Variants in BATF3 observed in about 807,000 individuals in gnomAD.
The protein encoded by BATF3 is basic leucine zipper ATF-like transcription factor 3.
A neutral mutation model predicts 16.1 loss-of-function variants in BATF3; 8 were observed. That is an observed-to-expected ratio of 0.50 (90% CI 0.29 to 0.90). The LOEUF is 0.90. Among genes scored for constraint, BATF3 ranks in the 40% least tolerant of loss-of-function variants. The pLI is 0.08. For synonymous variants in BATF3, 74 were observed against 72.7 expected, an observed-to-expected ratio of 1.02 and a Z score of -0.09; for missense variants, 139 against 167.0, an observed-to-expected ratio of 0.83 and a Z score of 0.92.
intron 1 of BATF3, chr1:212,697,583 T>G (rs905113665): frequency 5.2e-5 from 8 of 153,014 alleles, no homozygotes; most frequent in African/African-American, 1.9e-4. Context: ...ATGATTACAC[T>G]TACAACTAAT....
intron 2 of BATF3, among the ~76,000 whole-genome samples, chr1:212,687,996 AAAGGAAGGAAGGAAGGAAGG>A (rs150731119): frequency 2.5e-3 from 255 of 101,318 alleles, no homozygotes; most frequent in East Asian, 5.0e-3. Flanking sequence ...AGAAAGAAAG[AAAGGAAGGAAGGAAGGAAGG>A]AAGGAAGGAA....
At position 212,699,408 on chromosome 1, in the gene BATF3, G is replaced by T. The variant is rs894155427; in HGVS notation, c.90+265C>A. On this transcript the variant is annotated intron_variant, in intron 1 of 2. Coordinates refer to ENST00000243440, the MANE Select transcript of BATF3 (RefSeq NM_018664.3). This position sits in a 1 kb window ranked among gnomAD's most constrained non-coding sequence, Gnocchi z 4.4. ...ATGCCCGGCCCAGCCAGGCGTCGGC[G>T]CCCTCGGGCTTCTTCCCCCAGAGGG... 3.3e-5 allele frequency among the ~76,000 whole-genome samples: 5 copies of T among 152,056 alleles called. No homozygotes were observed. Among genetic ancestry groups the T allele is most frequent in the Non-Finnish European group, 7.4e-5 (5 of 67,972 alleles).
rs1657222063 is a variant in BATF3 at position 212,699,643 on chromosome 1, A to C, written c.90+30T>G. The C allele has an allele frequency of 1.4e-5, 18 of 1,285,712 alleles. No individual in the cohort carries two copies. The highest frequency in any genetic ancestry group is 1.8e-5 in the Non-Finnish European group (18 of 1,015,932). The allele number at this position is 1,285,712 out of a possible 1,614,324, so 79.6% of individuals were successfully genotyped here. A position where few individuals can be genotyped will look rare whatever the true frequency, so the allele number is the denominator to read the frequency against. On this transcript the variant is annotated intron_variant, in intron 1 of 2. Transcript: ENST00000243440. The surrounding 1 kb of genome is among the most constrained non-coding windows in gnomAD (Gnocchi z 4.4). ...CGCGGCGCGCCGGTCCCCGCACCCCACGGCCCTCCCTGAGCCTCTCGCCCT... is the reference window on the plus strand; with the variant it reads ...CGCGGCGCGCCGGTCCCCGCACCCCCCGGCCCTCCCTGAGCCTCTCGCCCT...
At chr1:212,697,293 G>C (rs1361684507) in intron 1 of BATF3, 1 of 475,252 alleles carries the variant, frequency 2.1e-6, no homozygotes, top group Non-Finnish European at 3.8e-6. Context: ...TGAGGAATAA[G>C]AAACTCAGAG....
In BATF3 at chr1:212,699,798, G is replaced by GC; in HGVS notation, c.-37dup. On this transcript the variant is annotated 5_prime_UTR_variant, in exon 1 of 3. Coordinates refer to ENST00000243440, the MANE Select transcript of BATF3 (RefSeq NM_018664.3). This position sits in a 1 kb window ranked among gnomAD's most constrained non-coding sequence, Gnocchi z 4.4. Reference sequence around the variant, plus strand: ...CCTCTGGCCCGGCCCGCCCCGCCCCGCCCGCGCGCCCTGCCCGTGGGGCTG... The same window carrying GC: ...CCTCTGGCCCGGCCCGCCCCGCCCCGCCCCGCGCGCCCTGCCCGTGGGGCTG... 1.3e-6 allele frequency: 1 copy of GC among 796,652 alleles called. No individual in the cohort carries two copies. Among genetic ancestry groups the GC allele is most frequent in the Non-Finnish European group, 1.4e-6 (1 of 700,910 alleles). 49.3% of individuals were successfully genotyped at this position (796,652 alleles called of 1,614,324 possible). A position where few individuals can be genotyped will look rare whatever the true frequency, so the allele number is the denominator to read the frequency against.
Position 212,686,531 on chromosome 1 carries a change from C to T in BATF3, c.*260G>A. 2.0e-6 allele frequency: 1 copy of T among 498,484 alleles called. No homozygotes were observed. The highest frequency in any genetic ancestry group is 3.6e-6 in the Non-Finnish European group (1 of 280,512). The allele number at this position is 498,484 out of a possible 1,614,324, so 30.9% of individuals were successfully genotyped here. On this transcript the variant is annotated 3_prime_UTR_variant, in exon 3 of 3. Coordinates refer to ENST00000243440, the MANE Select transcript of BATF3 (RefSeq NM_018664.3). The stretch of plus-strand genomic sequence containing the variant: ...GAAATGGCTCTGCATAACAGCAGAA[C>T]CTACTAGCTGCCAGGGTGGATGAGA...
chr1:212,699,364 G>A lies in BATF3; in HGVS notation c.90+309C>T, dbSNP rs1349489445. On this transcript the variant is annotated intron_variant, in intron 1 of 2. Transcript: ENST00000243440. The surrounding 1 kb of genome is among the most constrained non-coding windows in gnomAD (Gnocchi z 4.4). ...GCCCTCAGGGCAGTGCGGAGCCCACGTGCCGGGGAGCACCGGCCATGCCCG... is the reference window on the plus strand; with the variant it reads ...GCCCTCAGGGCAGTGCGGAGCCCACATGCCGGGGAGCACCGGCCATGCCCG... Among the ~76,000 whole-genome samples the A allele has an allele frequency of 2.0e-5, 3 of 151,858 alleles. No individual in the cohort carries two copies. The highest frequency in any genetic ancestry group is 4.4e-5 in the Non-Finnish European group (3 of 67,946).
At chr1:212,690,038 C>T (rs1019169971) in intron 2 of BATF3, among the ~76,000 whole-genome samples, 1 of 151,664 alleles carries the variant, frequency 6.6e-6, no homozygotes, top group African/African-American at 2.4e-5. Flanking sequence ...AAAACTCAGA[C>T]TCACATGCAG....
rs1213468888 is a variant in BATF3, at chr1:212,699,667, C to T, written c.90+6G>A. 1 of 1,334,456 alleles carries T rather than the reference C, an allele frequency of 7.5e-7. No homozygotes were observed. Among genetic ancestry groups the T allele is most frequent in the South Asian group, 1.9e-5 (1 of 52,348 alleles). 82.7% of individuals were successfully genotyped at this position (1,334,456 alleles called of 1,614,324 possible). A position where few individuals can be genotyped will look rare whatever the true frequency, so the allele number is the denominator to read the frequency against. On this transcript the variant is annotated splice_donor_region_variant and intron_variant, in intron 1 of 2. Transcript: ENST00000243440. This position sits in a 1 kb window ranked among gnomAD's most constrained non-coding sequence, Gnocchi z 4.4. ...CACGGCCCTCCCTGAGCCTCTCGCC[C>T]TCTACCTGCTGCTGCGGCTGCGGCT...
intron 2 of BATF3, among the ~76,000 whole-genome samples, chr1:212,687,980 A>AAAGC (rs1656889485): frequency 9.0e-6 from 1 of 110,780 alleles, no homozygotes; most frequent in East Asian, 2.4e-4. Flanking sequence ...AGAAAGAAAG[A>AAAGC]AAGAAAGAAA....
Position 212,689,284 on chromosome 1 carries a change from C to A in BATF3, c.196-2305G>T, listed in dbSNP as rs1219861832. Reference sequence around the variant, plus strand: ...CCTCATCCTCTGTTTCTTCTTTAACCCCATCCTTTCCTTTCAGAAGGGACT... The same window carrying A: ...CCTCATCCTCTGTTTCTTCTTTAACACCATCCTTTCCTTTCAGAAGGGACT... On this transcript the variant is annotated intron_variant, in intron 2 of 2. Coordinates refer to ENST00000243440, the MANE Select transcript of BATF3 (RefSeq NM_018664.3). The surrounding 1 kb of genome is among the most constrained non-coding windows in gnomAD (Gnocchi z 4.6). Among the ~76,000 whole-genome samples the A allele has an allele frequency of 1.3e-5, 2 of 152,172 alleles. No homozygotes were observed. Among genetic ancestry groups the A allele is most frequent in the African/African-American group, 4.8e-5 (2 of 41,430 alleles).
rs1234278866 is a variant in BATF3 at position 212,686,583 on chromosome 1, C to G, written c.*208G>C. 3 of 752,822 alleles carry G rather than the reference C, an allele frequency of 4.0e-6. No individual in the cohort carries two copies. In the African/African-American group the frequency reaches 5.2e-5, roughly 13 times the overall value. 46.6% of individuals were successfully genotyped at this position (752,822 alleles called of 1,614,324 possible). A position where few individuals can be genotyped will look rare whatever the true frequency, so the allele number is the denominator to read the frequency against. On this transcript the variant is annotated 3_prime_UTR_variant, in exon 3 of 3. Transcript: ENST00000243440. The stretch of plus-strand genomic sequence containing the variant: ...GTCACTCCTGAGGGTGGCCTCCATG[C>G]TGGATCTGCACAAGGGCTCTGTGAG...
Position 212,686,690 on chromosome 1 carries a change from T to G in BATF3, c.*101A>C. ...GTCCTGGAGCTCCCAGGAGGAGGCC[T>G]GGCCACAGGTGCCCCCTGTATACAA... On this transcript the variant is annotated 3_prime_UTR_variant, in exon 3 of 3. Coordinates refer to ENST00000243440, the MANE Select transcript of BATF3 (RefSeq NM_018664.3). 3 of 1,454,508 alleles carry G rather than the reference T, an allele frequency of 2.1e-6. No homozygotes were observed. The highest frequency in any genetic ancestry group is 2.7e-6 in the Non-Finnish European group (3 of 1,103,222). The allele number at this position is 1,454,508 out of a possible 1,614,324, so 90.1% of individuals were successfully genotyped here. A position where few individuals can be genotyped will look rare whatever the true frequency, so the allele number is the denominator to read the frequency against.
At chr1:212,698,986 GCC>G (rs1657195689) in intron 1 of BATF3, among the ~76,000 whole-genome samples, 2 of 152,182 alleles carry the variant, frequency 1.3e-5, no homozygotes, top group African/African-American at 4.8e-5. Context: ...GATGACATGG[GCC>G]GGGCGCTGAA....
In BATF3 at chr1:212,689,117, A is replaced by G. The variant is rs1454919719; in HGVS notation, c.196-2138T>C. 6.6e-6 allele frequency among the ~76,000 whole-genome samples: 1 copy of G among 152,110 alleles called. No individual in the cohort carries two copies. Among genetic ancestry groups the G allele is most frequent in the East Asian group, 1.9e-4 (1 of 5,196 alleles). ...TGTGTTCTATTCTATTTTGTATCAT[A>G]TTCAATTTCACTCATATGAAGTAAT... is the stretch of plus-strand genomic sequence containing the variant. On this transcript the variant is annotated intron_variant, in intron 2 of 2. Transcript: ENST00000243440. This position sits in a 1 kb window ranked among gnomAD's most constrained non-coding sequence, Gnocchi z 4.6.
chr1:212,694,536 C>T (rs1657081255), intron 2 of BATF3, among the ~76,000 whole-genome samples: 1 of 152,220 alleles, frequency 6.6e-6, no homozygotes, highest in Admixed American at 6.5e-5. Flanking sequence ...TCCAGATTTA[C>T]AACTGATGTT....
At chr1:212,692,284 T>C (rs766584602) in intron 2 of BATF3, among the ~76,000 whole-genome samples, 2 of 152,132 alleles carry the variant, frequency 1.3e-5, no homozygotes, top group Non-Finnish European at 2.9e-5. Context: ...CAGCAGCACA[T>C]ACATTAAAAT....
chr1:212,688,242 A>C (rs1012681185), intron 2 of BATF3, among the ~76,000 whole-genome samples: 2 of 152,156 alleles, frequency 1.3e-5, no homozygotes, highest in African/African-American at 2.4e-5. Context: ...AGTTCCTTGC[A>C]TCAGGCTCTT....
intron 2 of BATF3, among the ~76,000 whole-genome samples, chr1:212,694,451 T>C (rs1657079257): frequency 6.6e-6 from 1 of 152,066 alleles, no homozygotes; most frequent in Admixed American, 6.6e-5. Context: ...GCCTTGGTAT[T>C]TGTGAAATGG....
Sources: allele counts gnomAD v4.1 joint callset (sites outside exome capture counted in the v4.1 genomes callset), GRCh38; gene constraint gnomAD v4.1.1; non-coding constraint Gnocchi (gnomAD v3.1); transcripts MANE v1.5; gene names NCBI Gene and HGNC (gene_info 2026-07-23, HGNC 2026-07-21).